Variants in FCRL1 observed in about 807,000 individuals in gnomAD.
FCRL1 encodes Fc receptor like 1, also known as Fc receptor-like protein 1.
Under a neutral mutation model 49.2 loss-of-function variants are expected in FCRL1, and 34 were observed. That is an observed-to-expected ratio of 0.69 (90% confidence interval 0.53 to 0.92). The LOEUF (loss-of-function observed/expected upper bound fraction) is 0.92, where lower values mean the gene tolerates loss of function less well. Ranked by LOEUF, FCRL1 falls within the 40% of genes least tolerant of loss-of-function variation. FCRL1 has a pLI of 0.00. For missense variants in FCRL1, 524 were observed against 524.1 expected, an observed-to-expected ratio of 1.00 and a Z score of 0.00; for synonymous variants, 218 against 201.6, an observed-to-expected ratio of 1.08 and a Z score of -0.69.
chr1:157,799,122 T>G (rs1394866324), intron 7 of FCRL1, among the ~76,000 whole-genome samples: 1 of 152,170 alleles, frequency 6.6e-6, no homozygotes, highest in Non-Finnish European at 1.5e-5. Context: ...TGCCTCAGCC[T>G]CCTGAGTAGC....
In FCRL1 at chr1:157,795,787, C is replaced by G. The variant is rs1218456962; in HGVS notation, c.*312G>C. 4.1e-6 allele frequency: 1 copy of G among 243,684 alleles called. No individual in the cohort carries two copies. Among genetic ancestry groups the G allele is most frequent in the African/African-American group, 2.2e-5 (1 of 45,702 alleles). The allele number at this position is 243,684 out of a possible 1,614,324, so 15.1% of individuals were successfully genotyped here. ...TTCACTGTCCCTCCAACCCAAGATC[C>G]CAATTTCTTTTATTCCATCTTGTTT... On this transcript the variant is annotated 3_prime_UTR_variant, in exon 11 of 11. Coordinates refer to ENST00000368176, the MANE Select transcript of FCRL1 (RefSeq NM_052938.5).
intron 7 of FCRL1, among the ~76,000 whole-genome samples, chr1:157,799,748 A>G (rs1287245611): frequency 6.6e-6 from 1 of 152,116 alleles, no homozygotes; most frequent in African/African-American, 2.4e-5. Context: ...ATATGTAACA[A>G]ACCTGCACGT....
chr1:157,814,522 C>A (rs976921283), intron 1 of FCRL1, among the ~76,000 whole-genome samples: 10 of 151,692 alleles, frequency 6.6e-5, no homozygotes, highest in Non-Finnish European at 7.4e-5. Context: ...CACCAAAACA[C>A]AAAGATAAAC....
intron 1 of FCRL1, among the ~76,000 whole-genome samples, chr1:157,812,268 T>C (rs1654432898): frequency 6.6e-6 from 1 of 152,164 alleles, no homozygotes; most frequent in East Asian, 1.9e-4. Context: ...GATGGTGTGA[T>C]ATTGGGGAGT....
At chr1:157,797,062 A>C (rs367717979) in intron 10 of FCRL1, 39 bp downstream of exon 10, 19 of 1,607,134 alleles carry the variant, frequency 1.2e-5, no homozygotes, top group South Asian at 2.2e-5. Flanking sequence ...CCCCAGAGGA[A>C]AGAAAGAACA....
chr1:157,798,271 A>G lies in FCRL1; in HGVS notation c.1032-28T>C, dbSNP rs765302803. The G allele has an allele frequency of 1.9e-6, 3 of 1,554,744 alleles. No individual in the cohort carries two copies. In the Admixed American group the frequency reaches 5.5e-5, roughly 29 times the overall value. ...GCAAACACAGAGACACATGTTATTT[A>G]TCTGAAATTGCATCCCAGATCATGC... On this transcript the variant is annotated intron_variant, in intron 7 of 10. Transcript: ENST00000368176.
chr1:157,802,871 A>G (rs73017161), intron 3 of FCRL1, among the ~76,000 whole-genome samples: 7,464 of 152,228 alleles, frequency 0.049, 606 homozygotes, highest in African/African-American at 0.17. Context: ...CATACAAGGC[A>G]TAGCATCACC....
intron 3 of FCRL1, 61 bp downstream of exon 3, chr1:157,803,784 T>C: frequency 1.9e-6 from 3 of 1,578,658 alleles, no homozygotes; most frequent in Non-Finnish European, 1.7e-6. Flanking sequence ...ACAGTGAGGA[T>C]TAGCCTCTTG....
rs993470971 is a variant in FCRL1 at position 157,802,261 on chromosome 1, C to A, written c.608-68G>T. 5.7e-6 allele frequency: 9 copies of A among 1,575,828 alleles called. 1 individual carries two copies. The East Asian group carries it at 1.3e-4, about 24-fold the overall frequency. ...CAGCAAACTCATAATCCCTGCCCAC[C>A]GATGCTCAGCCCCATTGAACTTCCT... On this transcript the variant is annotated intron_variant, in intron 4 of 10. Transcript: ENST00000368176.
chr1:157,809,171 C>T (rs556215819), intron 1 of FCRL1, among the ~76,000 whole-genome samples: 35 of 152,158 alleles, frequency 2.3e-4, no homozygotes, highest in African/African-American at 8.4e-4. Flanking sequence ...CTTAAAGTGG[C>T]ACATGAAGTG....
intron 7 of FCRL1, among the ~76,000 whole-genome samples, chr1:157,798,947 T>C (rs927470869): frequency 6.6e-6 from 1 of 152,178 alleles, no homozygotes. Flanking sequence ...TCCTCAAATA[T>C]TGGTTGACTG....
intron 2 of FCRL1, chr1:157,806,664 A>C (rs1172055951): frequency 1.3e-5 from 2 of 158,210 alleles, no homozygotes; most frequent in Admixed American, 1.3e-4. Context: ...TTCTCCGTGG[A>C]TGTGTGATTT....
Position 157,804,150 on chromosome 1 carries a change from C to T in FCRL1, c.53-39G>A, listed in dbSNP as rs200408340. On this transcript the variant is annotated intron_variant, in intron 2 of 10. Transcript: ENST00000368176. ...TTAAACACAAATGATTAATGCGGTT[C>T]GGAATTTCTGGTAAGAGGCAGTTTG... is the stretch of plus-strand genomic sequence containing the variant. 8.0e-5 allele frequency: 128 copies of T among 1,598,700 alleles called. No homozygotes were observed. The East Asian group carries it at 1.9e-3, about 23-fold the overall frequency.
intron 3 of FCRL1, 120 bp downstream of exon 3, chr1:157,803,725 C>T: frequency 3.1e-6 from 4 of 1,286,914 alleles, no homozygotes; most frequent in Non-Finnish European, 4.3e-6. Context: ...GAGAGAAACT[C>T]AGGAATATCT....
chr1:157,808,924 A>G (rs1193032404), intron 1 of FCRL1, among the ~76,000 whole-genome samples: 1 of 152,212 alleles, frequency 6.6e-6, no homozygotes, highest in East Asian at 1.9e-4. Context: ...AACTGGAAGA[A>G]TGGTAGTGAC....
chr1:157,803,811 C>T (rs748807932), intron 3 of FCRL1, 34 bp downstream of exon 3: 4 of 1,603,480 alleles, frequency 2.5e-6, no homozygotes, highest in Non-Finnish European at 3.4e-6. Context: ...CCCTTCTCAG[C>T]CTATCCTGGC....
At chr1:157,810,040 G>A (rs1044327609) in intron 1 of FCRL1, among the ~76,000 whole-genome samples, 1 of 152,178 alleles carries the variant, frequency 6.6e-6, no homozygotes, top group Admixed American at 6.6e-5. Flanking sequence ...AAAAAATAAA[G>A]AGTGATCAAA....
intron 6 of FCRL1, 58 bp from the exon 7 acceptor site, chr1:157,800,143 G>A (rs1382961647): frequency 1.2e-5 from 19 of 1,574,982 alleles, no homozygotes; most frequent in Non-Finnish European, 1.7e-5. Flanking sequence ...TGTCAGCACT[G>A]TCAGTGTTTT....
chr1:157,807,252 CTCCCTCTT>C (rs765614809), intron 1 of FCRL1, 130 bp from the exon 2 acceptor site: 7 of 839,520 alleles, frequency 8.3e-6, no homozygotes, highest in South Asian at 2.1e-5. Context: ...CTCTCTCTTC[CTCCCTCTT>C]TCCCTCTTTC....
Sources: allele counts gnomAD v4.1 joint callset (sites outside exome capture counted in the v4.1 genomes callset), GRCh38; gene constraint gnomAD v4.1.1; transcripts MANE v1.5; gene names NCBI Gene and HGNC (gene_info 2026-07-23, HGNC 2026-07-21).